Variants in TAFA2 observed in about 807,000 individuals in gnomAD.
The protein encoded by TAFA2 is chemokine-like protein TAFA-2.
TAFA2 carries 7 observed loss-of-function variants against 18.8 expected under a neutral mutation model. The observed-to-expected ratio is 0.37, with a 90% CI of 0.21 to 0.70. The LOEUF (loss-of-function observed/expected upper bound fraction) is 0.70, where lower values mean the gene tolerates loss of function less well. Among genes scored for constraint, TAFA2 ranks in the 30% least tolerant of loss-of-function variants. The pLI is 0.53. For missense variants in TAFA2, 122 were observed against 158.1 expected (o/e 0.77, Z 1.23); for synonymous variants, 60 against 54.2 (o/e 1.11, Z -0.47).
chr12:61,730,427 G>A (rs1870387060), intron 4 of TAFA2, among the ~76,000 whole-genome samples: 1 of 152,080 alleles, frequency 6.6e-6, no homozygotes, highest in Non-Finnish European at 1.5e-5. Flanking sequence ...CAGGTCTCCT[G>A]AATAAGTATT....
chr12:61,971,487 TA>T (rs768934769), intron 1 of TAFA2, among the ~76,000 whole-genome samples: 2 of 138,302 alleles, frequency 1.4e-5, no homozygotes, highest in African/African-American at 5.4e-5. Flanking sequence ...TAAAGTATAA[TA>T]AAAAAAAGAA....
intron 2 of TAFA2, among the ~76,000 whole-genome samples, chr12:61,758,648 A>G (rs1382039902): frequency 6.6e-6 from 1 of 152,052 alleles, no homozygotes; most frequent in Non-Finnish European, 1.5e-5. Flanking sequence ...CCTAAGAAAG[A>G]GTGAATTTAC....
At chr12:61,870,622 A>ATCTT (rs1874558016) in intron 1 of TAFA2, among the ~76,000 whole-genome samples, 1 of 152,052 alleles carries the variant, frequency 6.6e-6, no homozygotes, top group Non-Finnish European at 1.5e-5. Context: ...ATTTTGTCCC[A>ATCTT]TCTTTTTCTC....
At chr12:62,077,688 G>A (rs149286190) in intron 1 of TAFA2, among the ~76,000 whole-genome samples, 2 of 152,170 alleles carry the variant, frequency 1.3e-5, no homozygotes, top group African/African-American at 4.8e-5. Flanking sequence ...ACTCTCTAAA[G>A]ACTAATCAGT....
chr12:61,821,250 T>C (rs1051840828), intron 2 of TAFA2, among the ~76,000 whole-genome samples: 2 of 152,052 alleles, frequency 1.3e-5, no homozygotes, highest in African/African-American at 4.8e-5. Context: ...AAAGGTAAAA[T>C]ACTTCATACT....
chr12:62,234,967 C>G, intron 1 of TAFA2: 1 of 694,956 alleles, frequency 1.4e-6, no homozygotes, highest in Non-Finnish European at 2.7e-6. Flanking sequence ...ATGGTCGAGG[C>G]CAACAATGTT....
intron 1 of TAFA2, among the ~76,000 whole-genome samples, chr12:62,014,444 C>T (rs1481151615): frequency 2.0e-5 from 3 of 152,028 alleles, no homozygotes; most frequent in Admixed American, 6.5e-5. Flanking sequence ...GCCTGGGCAA[C>T]ATGGTTAAGC....
chr12:61,846,218 G>A (rs1873398793), intron 2 of TAFA2, among the ~76,000 whole-genome samples: 1 of 152,060 alleles, frequency 6.6e-6, no homozygotes, highest in Non-Finnish European at 1.5e-5. Context: ...TGTATGTCTG[G>A]TATACCAGAC....
chr12:62,061,109 G>A (rs1882336872), intron 1 of TAFA2, among the ~76,000 whole-genome samples: 2 of 151,838 alleles, frequency 1.3e-5, no homozygotes, highest in South Asian at 2.1e-4. Context: ...ATTTAGTGTA[G>A]CCTAAATGTA....
In TAFA2 at chr12:61,812,882, C is replaced by T. The variant is rs150868112; in HGVS notation, c.106+54438G>A. ...ACCACGCCCAGCCAACTTTTCTTTT[C>T]AATAAATGTTTACTGAAGACAGTTC... On this transcript the variant is annotated intron_variant, in intron 2 of 4. Transcript: ENST00000416284. 2.3e-3 allele frequency among the ~76,000 whole-genome samples: 346 copies of T among 151,314 alleles called. 22 individuals carry two copies. The highest frequency in any genetic ancestry group is 7.6e-3 in the African/African-American group (308 of 40,740).
At chr12:62,040,309 T>C (rs1881723936) in intron 1 of TAFA2, among the ~76,000 whole-genome samples, 2 of 152,126 alleles carry the variant, frequency 1.3e-5, no homozygotes, top group African/African-American at 2.4e-5. Context: ...GGTGGAATTG[T>C]GTCCCATCCC....
rs182821211 is a variant in TAFA2, at chr12:61,815,648, G to A, written c.106+51672C>T. 5.5e-4 allele frequency among the ~76,000 whole-genome samples: 82 copies of A among 148,666 alleles called. No homozygotes were observed. In the East Asian group the frequency reaches 0.016, roughly 29 times the overall value. ...ACTGCACTCCAGCCTGGGAGACAGA[G>A]CAAGACTCCGTCTAAAAAAAAAAAA... On this transcript the variant is annotated intron_variant, in intron 2 of 4. Transcript: ENST00000416284.
At chr12:62,167,554 A>C (rs2062449042) in intron 1 of TAFA2, among the ~76,000 whole-genome samples, 1 of 152,236 alleles carries the variant, frequency 6.6e-6, no homozygotes, top group South Asian at 2.1e-4. Context: ...ACATAAATCA[A>C]AGAAATTAAG....
At chr12:61,871,251 T>C (rs757528008) in intron 1 of TAFA2, among the ~76,000 whole-genome samples, 2 of 152,182 alleles carry the variant, frequency 1.3e-5, no homozygotes, top group Admixed American at 6.5e-5. Context: ...TCAAGGATTT[T>C]TGACAAAGGG....
At chr12:62,163,349 G>A (rs10877804) in intron 1 of TAFA2, among the ~76,000 whole-genome samples, 14 of 151,886 alleles carry the variant, frequency 9.2e-5, no homozygotes, top group Non-Finnish European at 1.0e-4. Flanking sequence ...TTAGGAGCTG[G>A]GTTTTTGTTT....
chr12:62,037,904 C>G (rs1275405948), intron 1 of TAFA2, among the ~76,000 whole-genome samples: 1 of 152,096 alleles, frequency 6.6e-6, no homozygotes, highest in Non-Finnish European at 1.5e-5. Context: ...ATGCCCAAAC[C>G]AGTTGTATAG....
intron 1 of TAFA2, among the ~76,000 whole-genome samples, chr12:61,997,165 A>ATGTGTGTGTG (rs1280241925): frequency 2.4e-5 from 2 of 83,726 alleles, no homozygotes; most frequent in African/African-American, 9.8e-5. Flanking sequence ...CTATATGTAT[A>ATGTGTGTGTG]TATGTGTGTG....
intron 1 of TAFA2, among the ~76,000 whole-genome samples, chr12:62,200,663 G>C (rs1191651798): frequency 6.6e-6 from 1 of 152,124 alleles, no homozygotes; most frequent in East Asian, 1.9e-4. Context: ...TAGTTTTGTT[G>C]TATAGTTTGA....
chr12:62,190,035 G>C (rs976534392), intron 1 of TAFA2, among the ~76,000 whole-genome samples: 1 of 151,248 alleles, frequency 6.6e-6, no homozygotes, highest in Non-Finnish European at 1.5e-5. Flanking sequence ...TCCAAGAGGG[G>C]ATTTCATACT....
Sources: gnomAD v4.1 joint callset for allele counts (sites outside exome capture counted in the v4.1 genomes callset) on GRCh38, gnomAD v4.1.1 for gene constraint, MANE v1.5 for transcripts, NCBI Gene and HGNC (gene_info 2026-07-23, HGNC 2026-07-21) for gene names.